COL27A1: variants seen among roughly 807,000 people sequenced by gnomAD.
COL27A1 encodes the protein collagen type XXVII alpha 1 chain, also known as collagen alpha-1(XXVII) chain.
Under a neutral mutation model 251.3 loss-of-function variants are expected in COL27A1, and 106 were observed. The ratio of observed to expected loss-of-function variants is 0.42; its 90% CI spans 0.36 to 0.50. The LOEUF (loss-of-function observed/expected upper bound fraction) is 0.50, where lower values mean the gene tolerates loss of function less well. COL27A1 is among the 20% of genes least tolerant of loss of function. The pLI, the probability that COL27A1 is intolerant of heterozygous loss-of-function variation, is 0.00. For synonymous variants in COL27A1, 1,000 were observed against 986.3 expected, an observed-to-expected ratio of 1.01 and a Z score of -0.26; for missense variants, 2,325 against 2,522.8, an observed-to-expected ratio of 0.92 and a Z score of 1.68.
intron 5 of COL27A1, 147 bp from the exon 6 acceptor site, chr9:114,194,257 T>C: frequency 1.3e-6 from 1 of 778,084 alleles, no homozygotes; most frequent in Non-Finnish European, 2.3e-6. Flanking sequence ...GTAGTAGAAT[T>C]GGAGAAGACC....
At chr9:114,262,902 G>T (rs933286673) in intron 28 of COL27A1, among the ~76,000 whole-genome samples, 1 of 149,882 alleles carries the variant, frequency 6.7e-6, no homozygotes, top group Non-Finnish European at 1.5e-5. Flanking sequence ...TTTTCACTTT[G>T]TTGGCCCAAT....
At chr9:114,178,365 C>T (rs1244742132) in intron 4 of COL27A1, 21 bp downstream of exon 4, 7 of 1,611,772 alleles carry the variant, frequency 4.3e-6, no homozygotes, top group Non-Finnish European at 5.1e-6. Flanking sequence ...TCACACTGTC[C>T]TTTGGAACTC....
chr9:114,194,460 A>G lies in COL27A1; in HGVS notation c.2070+3A>G. ...GAAAGGCCCACGATGGGGCAAAGGT[A>G]GGTTTCCAGGGACCCCAGTTCTCAG... is the stretch of plus-strand genomic sequence containing the variant. On this transcript the variant is annotated splice_donor_region_variant and intron_variant, in intron 6 of 60. Transcript: ENST00000356083. 6.2e-7 allele frequency: 1 copy of G among 1,611,724 alleles called. No homozygotes were observed. The highest frequency in any genetic ancestry group is 2.2e-5 in the East Asian group (1 of 44,792).
Position 114,265,093 on chromosome 9 carries a change from G to A in COL27A1, c.3322G>A (p.Gly1108Ser). The A allele has an allele frequency of 6.2e-7, 1 of 1,610,496 alleles. No homozygotes were observed. The highest frequency in any genetic ancestry group is 8.5e-7 in the Non-Finnish European group (1 of 1,178,478). ...TGTGGCTGGTGAGCGAGGCCACTTG[G>A]GCTCGAGAGGCTTTCCTGTAAGTAG... Reference protein sequence around the residue: ...QGVAGERGHLGSRGFPGIPGP... With the variant: ...QGVAGERGHLSSRGFPGIPGP... Residue 1108 changes from glycine to serine, a missense_variant, in exon 31 of 61, where the codon GGC (glycine) becomes AGC (serine). Physicochemically the swap from Gly to Ser is moderately conservative, Grantham distance 56. This residue lies in a region of COL27A1 where 662 missense variants were observed against 795.3 expected (regional missense o/e 0.83). Transcript: ENST00000356083.
chr9:114,175,964 C>G (rs943009556), intron 3 of COL27A1, among the ~76,000 whole-genome samples: 1 of 152,220 alleles, frequency 6.6e-6, no homozygotes, highest in African/African-American at 2.4e-5. Context: ...ATCTTCATTT[C>G]ACAGATGTCC....
At chr9:114,260,735 AGTGAAAAGAATGAGGACTCTGG>A (rs1834259405) in intron 28 of COL27A1, among the ~76,000 whole-genome samples, 1 of 152,100 alleles carries the variant, frequency 6.6e-6, no homozygotes, top group African/African-American at 2.4e-5. Flanking sequence ...CACCAGCCCC[AGTGAAAAGAATGAGGACTCTGG>A]GGTCAGATGG....
At chr9:114,163,838 C>G (rs1848652595) in intron 2 of COL27A1, among the ~76,000 whole-genome samples, 1 of 150,366 alleles carries the variant, frequency 6.7e-6, no homozygotes, top group Non-Finnish European at 1.5e-5. Context: ...TGTCCAGAGT[C>G]CTGAGTCAGT....
At chr9:114,160,232 G>A (rs1022308644) in intron 1 of COL27A1, among the ~76,000 whole-genome samples, 1 of 150,772 alleles carries the variant, frequency 6.6e-6, no homozygotes, top group African/African-American at 2.4e-5. Context: ...TTGGCTCACT[G>A]CAAGCTCCGC....
intron 4 of COL27A1, among the ~76,000 whole-genome samples, 181 bp downstream of exon 4, chr9:114,178,525 A>G (rs2135146545): frequency 6.6e-6 from 1 of 152,114 alleles, no homozygotes; most frequent in South Asian, 2.1e-4. Context: ...ATATGGACAG[A>G]TATGGCATGG....
rs376853468 is a variant in COL27A1 at position 114,178,334 on chromosome 9, G to A, written c.1952G>A (p.Arg651His). Residue 651 changes from arginine (R) to histidine (H), a missense_variant, in exon 4 of 61, where the codon CGT becomes CAT. By Grantham distance (29) the Arg-to-His change is conservative. This residue lies in a region of COL27A1 where 1,183 missense variants were observed against 1,144.1 expected (regional missense o/e 1.03). Transcript: ENST00000356083. ...GGGCTACCTGGAATCCCTGGTGCAC[G>A]TGGGCCTCGGGTGAGTTATCTCACA... ...LPGLPGIPGA[R>H]GPRGPPGPYG... The A allele has an allele frequency of 4.3e-5, 69 of 1,613,866 alleles. No individual in the cohort carries two copies. Among genetic ancestry groups the A allele is most frequent in the Admixed American group, 2.5e-4 (15 of 59,990 alleles).
intron 1 of COL27A1, among the ~76,000 whole-genome samples, chr9:114,157,747 GGCTTGCCATCAGGCAGGCTCGA>G (rs1286827591): frequency 6.6e-6 from 1 of 152,192 alleles, no homozygotes; most frequent in South Asian, 2.1e-4. Context: ...AGGGCCATGA[GGCTTGCCATCAGGCAGGCTCGA>G]GTTTGAATCC....
At chr9:114,302,155 G>A in intron 56 of COL27A1, 47 bp downstream of exon 56, 1 of 1,536,742 alleles carries the variant, frequency 6.5e-7, no homozygotes, top group Non-Finnish European at 9.0e-7. Flanking sequence ...AAGGCCTGAG[G>A]GGTTTGGGGG....
At chr9:114,267,802 C>G (rs143095865) in intron 34 of COL27A1, among the ~76,000 whole-genome samples, 1 of 152,290 alleles carries the variant, frequency 6.6e-6, no homozygotes, top group East Asian at 1.9e-4. Context: ...GTGGCTGTAC[C>G]TCCTGGCCTC....
intron 27 of COL27A1, among the ~76,000 whole-genome samples, chr9:114,254,579 G>A (rs886231058): frequency 6.6e-6 from 1 of 152,124 alleles, no homozygotes; most frequent in Admixed American, 6.5e-5. Flanking sequence ...AGATCCGGAG[G>A]TAGGGCTGAG....
In COL27A1 at chr9:114,168,394, G is replaced by A; in HGVS notation, c.839G>A (p.Gly280Glu). The change falls in exon 3 of 61, where the codon GGG (glycine) becomes GAG (glutamate). Residue 280 changes from glycine to glutamate, a missense_variant. Gly to Glu is a moderately conservative substitution (Grantham distance 98). This residue lies in a region of COL27A1 where 1,183 missense variants were observed against 1,144.1 expected (regional missense o/e 1.03). Coordinates refer to ENST00000356083, the MANE Select transcript of COL27A1 (RefSeq NM_032888.4). ...ENLTTATPAL[G>E]SLPAGRGPRG... ...TTGACCACTGCCACACCAGCCCTGG[G>A]GTCACTGCCAGCAGGCAGGGGACCC... 1.9e-6 allele frequency: 3 copies of A among 1,613,436 alleles called. No homozygotes were observed. Among genetic ancestry groups the A allele is most frequent in the African/African-American group, 1.3e-5 (1 of 74,984 alleles).
At chr9:114,209,033 C>T (rs183368109) in intron 10 of COL27A1, among the ~76,000 whole-genome samples, 21 of 152,182 alleles carry the variant, frequency 1.4e-4, no homozygotes, top group East Asian at 3.9e-4. Flanking sequence ...TAGGAATTCC[C>T]GAAGAGAATT....
In COL27A1 at chr9:114,312,081, G is replaced by A. The variant is rs915653922; in HGVS notation, c.*1386G>A. On this transcript the variant is annotated 3_prime_UTR_variant, in exon 61 of 61. Coordinates refer to ENST00000356083, the MANE Select transcript of COL27A1 (RefSeq NM_032888.4). Reference sequence around the variant, plus strand: ...ATTGTGCTACATCAGCGAACAAGTCGGCGCTTGAATTGGATTTTGAGGTTA... The same window carrying A: ...ATTGTGCTACATCAGCGAACAAGTCAGCGCTTGAATTGGATTTTGAGGTTA... The A allele has an allele frequency of 4.6e-5, 7 of 152,122 alleles. 1 individual carries two copies. The highest frequency in any genetic ancestry group is 1.3e-4 in the Admixed American group (2 of 15,272). 9.4% of individuals were successfully genotyped at this position (152,122 alleles called of 1,614,324 possible).
intron 36 of COL27A1, chr9:114,271,342 A>T (rs957659146): frequency 6.4e-6 from 1 of 155,960 alleles, no homozygotes; most frequent in Non-Finnish European, 1.4e-5. Context: ...CACATCCAGG[A>T]CCCAAATCTG....
chr9:114,309,563 A>G, intron 60 of COL27A1, 85 bp downstream of exon 60: 6 of 959,694 alleles, frequency 6.3e-6, no homozygotes, highest in Non-Finnish European at 9.5e-6. Context: ...CTATTATAAG[A>G]TTATATCTAA....
Sources: gnomAD v4.1 joint callset for allele counts (sites outside exome capture counted in the v4.1 genomes callset) on GRCh38, gnomAD v4.1.1 for gene constraint, gnomAD v4.1.1 regional missense constraint, MANE v1.5 for transcripts, NCBI Gene and HGNC (gene_info 2026-07-23, HGNC 2026-07-21) for gene names.